The following RAB23 variants were observed in gnomAD, a reference collection of about 807,000 sequenced individuals.
The protein encoded by RAB23 is ras-related protein Rab-23.
RAB23 carries 15 observed loss-of-function variants against 30.0 expected under a neutral mutation model. The observed-to-expected ratio is 0.50, with a 90% CI of 0.33 to 0.77. The LOEUF (loss-of-function observed/expected upper bound fraction) is 0.77, where lower values mean the gene tolerates loss of function less well. RAB23 is among the 30% of genes least tolerant of loss of function. The pLI is 0.02. For synonymous variants in RAB23, 93 were observed against 94.0 expected, an observed-to-expected ratio of 0.99 and a Z score of 0.06; for missense variants, 243 against 275.4, an observed-to-expected ratio of 0.88 and a Z score of 0.83.
chr6:57,201,356 T>G (rs1476329344), intron 3 of RAB23, among the ~76,000 whole-genome samples: 1 of 152,200 alleles, frequency 6.6e-6, no homozygotes, highest in Non-Finnish European at 1.5e-5. Context: ...GGAAGGATTT[T>G]CTGACCCTCA....
At chr6:57,207,760 T>C (rs760603817) in intron 2 of RAB23, 47 bp from the exon 3 acceptor site, 3 of 1,250,592 alleles carry the variant, frequency 2.4e-6, no homozygotes, top group Admixed American at 1.7e-5. Flanking sequence ...AAAATGTTTT[T>C]GGTAATATAG....
intron 3 of RAB23, among the ~76,000 whole-genome samples, chr6:57,202,262 A>G (rs544830697): frequency 4.8e-4 from 73 of 152,290 alleles, no homozygotes; most frequent in African/African-American, 1.8e-3. Flanking sequence ...TACTAGCAGC[A>G]GATATTGTCT....
intron 3 of RAB23, among the ~76,000 whole-genome samples, chr6:57,206,219 C>T (rs1445009348): frequency 6.6e-6 from 1 of 151,916 alleles, no homozygotes; most frequent in Non-Finnish European, 1.5e-5. Flanking sequence ...GCTTACAGGA[C>T]TAGAAAAACT....
rs187904990 is a variant in RAB23, at chr6:57,215,027, A to G, written c.-65-4582T>C. Reference sequence around the variant, plus strand: ...GAAAGTAGAACTGAAAATTATAATAACCATAATTTAAAAAACTAAATGATA... The same window carrying G: ...GAAAGTAGAACTGAAAATTATAATAGCCATAATTTAAAAAACTAAATGATA... On this transcript the variant is annotated intron_variant, in intron 1 of 6. Transcript: ENST00000468148. Among the ~76,000 whole-genome samples the G allele has an allele frequency of 2.6e-3, 395 of 152,356 alleles. 5 individuals carry two copies. Among genetic ancestry groups the G allele is most frequent in the African/African-American group, 8.9e-3 (369 of 41,584 alleles).
intron 1 of RAB23, 60 bp from the exon 2 acceptor site, chr6:57,210,505 G>T: frequency 2.8e-6 from 3 of 1,088,116 alleles, no homozygotes; most frequent in Non-Finnish European, 4.2e-6. Flanking sequence ...TAAACTAATT[G>T]TTTTATCAAG....
intron 3 of RAB23, among the ~76,000 whole-genome samples, chr6:57,206,656 C>A (rs1223668766): frequency 6.6e-6 from 1 of 152,054 alleles, no homozygotes; most frequent in African/African-American, 2.4e-5. Context: ...GTGGAAGCAG[C>A]AGTGAGAAAC....
In RAB23 at chr6:57,188,505, C is replaced by CAAG. The variant is rs1554307963; in HGVS notation, c.*1953_*1955dup. On this transcript the variant is annotated 3_prime_UTR_variant, in exon 7 of 7. Transcript: ENST00000468148. ...AAAGAACTAACTAGAACACATATAACAAGTGATTTTTCTGCCAATAAAGAC... is the reference window on the plus strand; with the variant it reads ...AAAGAACTAACTAGAACACATATAACAAGAAGTGATTTTTCTGCCAATAAAGAC... The CAAG allele has an allele frequency of 6.6e-6, 1 of 151,992 alleles. No individual in the cohort carries two copies. The highest frequency in any genetic ancestry group is 1.5e-5 in the Non-Finnish European group (1 of 68,000). The allele number at this position is 151,992 out of a possible 1,614,324, so 9.4% of individuals were successfully genotyped here.
intron 3 of RAB23, among the ~76,000 whole-genome samples, chr6:57,201,833 A>G (rs1765281698): frequency 6.6e-6 from 1 of 152,170 alleles, no homozygotes; most frequent in Non-Finnish European, 1.5e-5. Context: ...TACTAACTAA[A>G]ATCACTGGTT....
In RAB23 at chr6:57,188,971, G is replaced by GA. The variant is rs1204852044; in HGVS notation, c.*1489dup. The GA allele has an allele frequency of 6.6e-6, 1 of 151,958 alleles. No homozygotes were observed. The allele number at this position is 151,958 out of a possible 1,614,324, so 9.4% of individuals were successfully genotyped here. A position where few individuals can be genotyped will look rare whatever the true frequency, so the allele number is the denominator to read the frequency against. On this transcript the variant is annotated 3_prime_UTR_variant, in exon 7 of 7. Transcript: ENST00000468148. The stretch of plus-strand genomic sequence containing the variant: ...TAAAACATTGTTTAGTACAAATAAT[G>GA]AAAAATGACTTCATGACATTTTCCA...
At chr6:57,214,549 C>T (rs182734630) in intron 1 of RAB23, among the ~76,000 whole-genome samples, 43 of 152,288 alleles carry the variant, frequency 2.8e-4, no homozygotes, top group African/African-American at 1.0e-3. Context: ...AGTGATCCAC[C>T]TGCCTTGGCC....
At chr6:57,220,504 C>T (rs989704057) in intron 1 of RAB23, among the ~76,000 whole-genome samples, 1 of 152,148 alleles carries the variant, frequency 6.6e-6, no homozygotes, top group African/African-American at 2.4e-5. Flanking sequence ...ACCTCAATGT[C>T]CTTCCATGGG....
chr6:57,211,367 G>C (rs943290920), intron 1 of RAB23, among the ~76,000 whole-genome samples: 2 of 152,054 alleles, frequency 1.3e-5, no homozygotes, highest in Admixed American at 1.3e-4. Context: ...GGCTGAGGTG[G>C]GAGGATCCCT....
chr6:57,220,952 TAG>T (rs1766034151), intron 1 of RAB23, among the ~76,000 whole-genome samples: 1 of 152,218 alleles, frequency 6.6e-6, no homozygotes, highest in African/African-American at 2.4e-5. Flanking sequence ...TCAGAAACTA[TAG>T]ACTTAAAGCA....
At position 57,194,771 on chromosome 6, in the gene RAB23, T is replaced by G; in HGVS notation, c.480A>C (p.Glu160Asp). The change falls in exon 5 of 7, where the codon GAA (glutamate) becomes GAC (aspartate). Residue 160 changes from glutamate to aspartate, a missense_variant and splice_region_variant. Coordinates refer to ENST00000468148, the MANE Select transcript of RAB23 (RefSeq NM_016277.5). ...CTATATCCTTTAAAGGTAATTTACC[T>G]TCATTCACATTTAGATCTTCTTTCA... ...TSVKEDLNVN[E>D]VFKYLAEKYL... is the part of the protein sequence containing the mutation. The G allele has an allele frequency of 6.2e-7, 1 of 1,606,966 alleles. No homozygotes were observed. The highest frequency in any genetic ancestry group is 8.5e-7 in the Non-Finnish European group (1 of 1,174,100).
At position 57,194,070 on chromosome 6, in the gene RAB23, AT is replaced by A. The variant is rs1488289942; in HGVS notation, c.482-137del. The A allele has an allele frequency of 5.2e-6, 7 of 1,334,566 alleles. No homozygotes were observed. The East Asian group carries it at 1.8e-4, about 35-fold the overall frequency. The allele number at this position is 1,334,566 out of a possible 1,614,324, so 82.7% of individuals were successfully genotyped here. A position where few individuals can be genotyped will look rare whatever the true frequency, so the allele number is the denominator to read the frequency against. ...TTAGGAGCATACAATCTAGTTAAAAATTCAACTTTTAAAAATTATTTGGGCA... is the reference window on the plus strand; with the variant it reads ...TTAGGAGCATACAATCTAGTTAAAAATCAACTTTTAAAAATTATTTGGGCA... On this transcript the variant is annotated intron_variant, in intron 5 of 6. Transcript: ENST00000468148.
chr6:57,207,079 A>C (rs1765479870), intron 3 of RAB23, among the ~76,000 whole-genome samples: 1 of 152,252 alleles, frequency 6.6e-6, no homozygotes, highest in African/African-American at 2.4e-5. Context: ...AAATTTTATA[A>C]GAAAATGTTA....
chr6:57,217,442 G>A (rs1765891995), intron 1 of RAB23, among the ~76,000 whole-genome samples: 2 of 152,040 alleles, frequency 1.3e-5, no homozygotes, highest in African/African-American at 4.8e-5. Flanking sequence ...CCGAGTAGGT[G>A]GGACTACACG....
intron 3 of RAB23, among the ~76,000 whole-genome samples, chr6:57,205,202 C>T (rs750785875): frequency 6.6e-6 from 1 of 150,914 alleles, no homozygotes; most frequent in African/African-American, 2.4e-5. Flanking sequence ...TACATACATA[C>T]ACATATATTA....
chr6:57,203,281 C>T (rs368921944), intron 3 of RAB23, among the ~76,000 whole-genome samples: 17 of 152,316 alleles, frequency 1.1e-4, no homozygotes, highest in South Asian at 8.3e-4. Context: ...GCTGGGATTA[C>T]AGGCGTGAGC....
Sources: allele counts gnomAD v4.1 joint callset (sites outside exome capture counted in the v4.1 genomes callset), GRCh38; gene constraint gnomAD v4.1.1; transcripts MANE v1.5; gene names NCBI Gene and HGNC (gene_info 2026-07-23, HGNC 2026-07-21).